The following PSME4 variants were observed in gnomAD, a reference collection of about 807,000 sequenced individuals.
PSME4 encodes the protein proteasome activator subunit 4, also known as proteasome activator complex subunit 4.
A neutral mutation model predicts 253.9 loss-of-function variants in PSME4; 89 were observed. The observed-to-expected ratio is 0.35, with a 90% CI of 0.30 to 0.42. PSME4 has a LOEUF of 0.42. PSME4 is among the 10% of genes least tolerant of loss of function. The pLI, the probability that PSME4 is intolerant of heterozygous loss-of-function variation, is 1.00. For missense variants in PSME4, 2,014 were observed against 2,195.2 expected, an observed-to-expected ratio of 0.92 and a Z score of 1.65; for synonymous variants, 851 against 759.2, an observed-to-expected ratio of 1.12 and a Z score of -1.99.
intron 40 of PSME4, 45 bp from the exon 41 acceptor site, chr2:53,885,820 T>C: frequency 7.2e-7 from 1 of 1,383,088 alleles, no homozygotes; most frequent in Non-Finnish European, 1.0e-6. Flanking sequence ...GCCATTCATT[T>C]ACAGACCACA....
rs1432474686 is a variant in PSME4 at position 53,922,232 on chromosome 2, T to G, written c.2046+285A>C. On this transcript the variant is annotated intron_variant, in intron 17 of 46. Coordinates refer to ENST00000404125, the MANE Select transcript of PSME4 (RefSeq NM_014614.3). ...GTTTGATTGATGGCCAAATTTAAAG[T>G]GTAGACCAAAAAAATTCCCAAATCT... Among the ~76,000 whole-genome samples, 4 of 152,166 alleles carry G rather than the reference T, an allele frequency of 2.6e-5. No individual in the cohort carries two copies. In the East Asian group the frequency reaches 5.8e-4, roughly 22 times the overall value.
In PSME4 at chr2:53,865,897, C is replaced by A. The variant is rs943729137; in HGVS notation, c.*4+188G>T. On this transcript the variant is annotated intron_variant, in intron 46 of 46. Coordinates refer to ENST00000404125, the MANE Select transcript of PSME4 (RefSeq NM_014614.3). ...CATTTTCTCTGCTTTAAACCTAAAG[C>A]AAGGAGGCACAGCAAAATTCTCATT... 8 of 613,970 alleles carry A rather than the reference C, an allele frequency of 1.3e-5. No individual in the cohort carries two copies. In the African/African-American group the frequency reaches 1.5e-4, roughly 12 times the overall value. 38.0% of individuals were successfully genotyped at this position (613,970 alleles called of 1,614,324 possible).
intron 8 of PSME4, 77 bp downstream of exon 8, chr2:53,934,528 G>A (rs922837239): frequency 6.2e-6 from 9 of 1,446,096 alleles, no homozygotes; most frequent in Middle Eastern, 3.6e-4. Flanking sequence ...ATCAACTTCT[G>A]CGACTATCCA....
intron 41 of PSME4, among the ~76,000 whole-genome samples, chr2:53,884,543 T>C (rs374787941): frequency 1.3e-5 from 2 of 152,228 alleles, no homozygotes; most frequent in East Asian, 1.9e-4. Flanking sequence ...ATAAGTTTTT[T>C]CATAAACTTC....
chr2:53,911,754 T>C (rs1432904797), intron 20 of PSME4, among the ~76,000 whole-genome samples: 2 of 152,200 alleles, frequency 1.3e-5, no homozygotes, highest in African/African-American at 2.4e-5. Flanking sequence ...AAATCAAGCA[T>C]GAATTTTAAT....
At chr2:53,873,837 T>C (rs1221876782) in intron 43 of PSME4, among the ~76,000 whole-genome samples, 2 of 152,088 alleles carry the variant, frequency 1.3e-5, no homozygotes, top group Non-Finnish European at 2.9e-5. Context: ...GGTTCAGGAG[T>C]ATTATTTGCC....
chr2:53,931,742 G>T, intron 10 of PSME4, 93 bp downstream of exon 10: 1 of 1,376,666 alleles, frequency 7.3e-7, no homozygotes, highest in Non-Finnish European at 9.9e-7. Flanking sequence ...CATCGAAGAA[G>T]CAAAACAGAA....
At chr2:53,890,021 T>C (rs1396133801) in intron 37 of PSME4, 83 bp downstream of exon 37, 14 of 1,045,484 alleles carry the variant, frequency 1.3e-5, no homozygotes, top group Non-Finnish European at 1.7e-5. Flanking sequence ...TAAGAAGTGT[T>C]ATGAGATTTC....
At chr2:53,954,429 C>T (rs1346383212) in intron 1 of PSME4, among the ~76,000 whole-genome samples, 1 of 152,120 alleles carries the variant, frequency 6.6e-6, no homozygotes, top group Non-Finnish European at 1.5e-5. Context: ...CACTTGAATC[C>T]AGGAGTTCAA....
chr2:53,867,561 C>T (rs1238777714), intron 44 of PSME4, among the ~76,000 whole-genome samples: 2 of 139,496 alleles, frequency 1.4e-5, no homozygotes, highest in Admixed American at 1.5e-4. Context: ...TCCAGCTAGA[C>T]AAGAGGCTGA....
chr2:53,965,662 G>GT (rs1259494431), intron 1 of PSME4, among the ~76,000 whole-genome samples: 5 of 112,894 alleles, frequency 4.4e-5, no homozygotes, highest in Admixed American at 1.8e-4. Context: ...TTGGTTGTGT[G>GT]TTTTTTTGTT....
At chr2:53,899,847 T>A (rs1335592762) in intron 29 of PSME4, 34 bp downstream of exon 29, 3 of 1,606,140 alleles carry the variant, frequency 1.9e-6, no homozygotes, top group East Asian at 2.2e-5. Context: ...CTATCTATAA[T>A]GTCATCTATT....
At chr2:53,956,758 T>C (rs1028801804) in intron 1 of PSME4, among the ~76,000 whole-genome samples, 4 of 151,722 alleles carry the variant, frequency 2.6e-5, no homozygotes, top group Non-Finnish European at 5.9e-5. Context: ...ATTTTTATAA[T>C]TAGAATTAAC....
intron 29 of PSME4, among the ~76,000 whole-genome samples, chr2:53,898,836 T>A (rs1680261063): frequency 6.6e-6 from 1 of 152,162 alleles, no homozygotes; most frequent in Non-Finnish European, 1.5e-5. Context: ...AGCATTTAAG[T>A]GCTTTGGTAT....
chr2:53,921,281 C>T (rs1668303199), intron 17 of PSME4, among the ~76,000 whole-genome samples, 177 bp from the exon 18 acceptor site: 2 of 152,060 alleles, frequency 1.3e-5, no homozygotes, highest in African/African-American at 4.8e-5. Context: ...AAATCAAACA[C>T]ATTTTCTGAG....
intron 43 of PSME4, among the ~76,000 whole-genome samples, chr2:53,871,753 G>A (rs959673337): frequency 2.0e-5 from 3 of 152,002 alleles, no homozygotes; most frequent in Non-Finnish European, 4.4e-5. Flanking sequence ...GGTGGCTCAC[G>A]CCTGTATCCT....
At chr2:53,953,633 A>C (rs1303222478) in intron 1 of PSME4, among the ~76,000 whole-genome samples, 1 of 151,654 alleles carries the variant, frequency 6.6e-6, no homozygotes, top group Non-Finnish European at 1.5e-5. Context: ...TGAAAAATAA[A>C]TTCCTGGAGT....
intron 1 of PSME4, among the ~76,000 whole-genome samples, chr2:53,953,263 A>G (rs115382926): frequency 1.3e-5 from 2 of 152,308 alleles, no homozygotes; most frequent in African/African-American, 2.4e-5. Flanking sequence ...TCTAGTCACT[A>G]TAAGACACCA....
At chr2:53,931,000 G>A (rs983335784) in intron 10 of PSME4, among the ~76,000 whole-genome samples, 6 of 152,146 alleles carry the variant, frequency 3.9e-5, no homozygotes, top group Admixed American at 2.0e-4. Flanking sequence ...AGAGTAGGCC[G>A]GGCACAGTGG....
Sources: gnomAD v4.1 joint callset for allele counts (sites outside exome capture counted in the v4.1 genomes callset) on GRCh38, gnomAD v4.1.1 for gene constraint, MANE v1.5 for transcripts, NCBI Gene and HGNC (gene_info 2026-07-23, HGNC 2026-07-21) for gene names.